The following OCLN variants were observed in gnomAD, a reference collection of about 807,000 sequenced individuals.
The protein encoded by OCLN is occludin, also known as phosphatase 1, regulatory subunit 115.
Under a neutral mutation model 47.9 loss-of-function variants are expected in OCLN, and 21 were observed. The observed-to-expected ratio is 0.44, with a 90% CI of 0.31 to 0.63. The LOEUF is 0.63. Among genes scored for constraint, OCLN ranks in the 30% least tolerant of loss-of-function variants. The pLI, the probability that OCLN is intolerant of heterozygous loss-of-function variation, is 0.08. For synonymous variants in OCLN, 117 were observed against 198.4 expected, an observed-to-expected ratio of 0.59 and a Z score of 3.45; for missense variants, 360 against 571.0, an observed-to-expected ratio of 0.63 and a Z score of 3.77.
chr5:69,495,194 C>G (rs1459579590), intron 1 of OCLN, among the ~76,000 whole-genome samples: 1 of 152,138 alleles, frequency 6.6e-6, no homozygotes, highest in African/African-American at 2.4e-5. Flanking sequence ...ATTAATGGAT[C>G]TTTTTCATCA....
intron 2 of OCLN, 47 bp downstream of exon 2, chr5:69,504,341 A>G (rs745763456): frequency 8.1e-6 from 9 of 1,106,312 alleles, no homozygotes; most frequent in Admixed American, 5.3e-5. Context: ...AGTCTATCAC[A>G]TGTAAACAAT....
intron 1 of OCLN, 105 bp from the exon 2 acceptor site, chr5:69,504,072 C>G: frequency 1.5e-6 from 1 of 650,834 alleles, no homozygotes; most frequent in Non-Finnish European, 2.8e-6. Context: ...TGCACTCCAG[C>G]CTGGGTGACA....
chr5:69,517,961 A>G (rs949131655), intron 4 of OCLN, among the ~76,000 whole-genome samples: 2 of 152,110 alleles, frequency 1.3e-5, no homozygotes, highest in Admixed American at 1.3e-4. Context: ...TGGCAGTTAG[A>G]TTTGTTTACT....
chr5:69,531,381 C>T (rs920901707), intron 4 of OCLN, among the ~76,000 whole-genome samples: 6 of 152,116 alleles, frequency 3.9e-5, no homozygotes, highest in Non-Finnish European at 8.8e-5. Flanking sequence ...GCATTTTAGC[C>T]AGTAAGAAAT....
intron 4 of OCLN, among the ~76,000 whole-genome samples, chr5:69,518,952 G>C (rs55923832): frequency 0.87 from 132,330 of 152,068 alleles, 57,777 homozygotes; most frequent in African/African-American, 0.91. Flanking sequence ...TCTGGGGCAA[G>C]AAGGCAAGAC....
intron 4 of OCLN, among the ~76,000 whole-genome samples, chr5:69,527,225 C>T (rs1053333820): frequency 1.3e-5 from 2 of 151,488 alleles, no homozygotes; most frequent in South Asian, 2.1e-4. Flanking sequence ...TGCAGTGAGC[C>T]GACACAGTGC....
intron 1 of OCLN, among the ~76,000 whole-genome samples, chr5:69,496,257 C>T (rs1453709504): frequency 6.6e-6 from 1 of 152,080 alleles, no homozygotes; most frequent in Non-Finnish European, 1.5e-5. Context: ...TGCCACCATG[C>T]CCAGCTAATT....
chr5:69,520,505 T>C (rs1301654137), intron 4 of OCLN, among the ~76,000 whole-genome samples: 2 of 151,730 alleles, frequency 1.3e-5, no homozygotes, highest in African/African-American at 4.8e-5. Flanking sequence ...TTCACCATCT[T>C]GGCCAGGCTG....
intron 1 of OCLN, among the ~76,000 whole-genome samples, chr5:69,500,919 C>T (rs1487027895): frequency 1.3e-5 from 2 of 151,838 alleles, no homozygotes; most frequent in Non-Finnish European, 2.9e-5. Flanking sequence ...TTCAGATTTT[C>T]TGTTTTACTT....
intron 4 of OCLN, among the ~76,000 whole-genome samples, chr5:69,516,707 C>G (rs1380631177): frequency 1.3e-5 from 2 of 152,082 alleles, no homozygotes; most frequent in African/African-American, 2.4e-5. Context: ...TGCTGAAAGC[C>G]TGGAAAGTTC....
At chr5:69,545,258 G>GT (rs1769698660) in intron 6 of OCLN, 139 bp downstream of exon 6, 4 of 760,872 alleles carry the variant, frequency 5.3e-6, no homozygotes, top group East Asian at 3.0e-5. Flanking sequence ...ACTGGAGACA[G>GT]TTTTTTGTGT....
chr5:69,508,061 T>G (rs1392992525), intron 2 of OCLN, among the ~76,000 whole-genome samples: 1 of 152,034 alleles, frequency 6.6e-6, no homozygotes, highest in East Asian at 1.9e-4. Flanking sequence ...TTTTTAAATT[T>G]TTTTGCCCTG....
At chr5:69,519,295 C>CT (rs746634603) in intron 4 of OCLN, among the ~76,000 whole-genome samples, 19 of 152,302 alleles carry the variant, frequency 1.2e-4, no homozygotes, top group Non-Finnish European at 1.9e-4. Context: ...TATAACACGC[C>CT]TCCTGCCCTC....
intron 1 of OCLN, among the ~76,000 whole-genome samples, chr5:69,503,648 T>C (rs892758336): frequency 2.0e-5 from 3 of 152,204 alleles, no homozygotes; most frequent in African/African-American, 7.2e-5. Context: ...TTTCAGAAAA[T>C]GACCAATTAA....
intron 3 of OCLN, among the ~76,000 whole-genome samples, chr5:69,510,491 C>T (rs1209141471): frequency 1.3e-5 from 2 of 151,988 alleles, no homozygotes; most frequent in African/African-American, 4.8e-5. Flanking sequence ...ACCATCCTCG[C>T]TAATAAGGTG....
At chr5:69,505,486 A>G (rs1216858519) in intron 2 of OCLN, among the ~76,000 whole-genome samples, 6 of 152,154 alleles carry the variant, frequency 3.9e-5, no homozygotes, top group Admixed American at 6.5e-5. Flanking sequence ...TTCTGTCTCT[A>G]TAGATTTGTC....
intron 3 of OCLN, among the ~76,000 whole-genome samples, chr5:69,512,472 A>C (rs1768815542): frequency 6.6e-6 from 1 of 152,160 alleles, no homozygotes; most frequent in South Asian, 2.1e-4. Context: ...TAAGTTTTGA[A>C]ATTGTGGAGT....
At chr5:69,518,100 T>G (rs1238993703) in intron 4 of OCLN, among the ~76,000 whole-genome samples, 2 of 152,210 alleles carry the variant, frequency 1.3e-5, no homozygotes. Flanking sequence ...CAGTTCTAGT[T>G]GCTTTTGATA....
chr5:69,523,447 A>G (rs1769195679), intron 4 of OCLN, among the ~76,000 whole-genome samples: 1 of 152,042 alleles, frequency 6.6e-6, no homozygotes, highest in South Asian at 2.1e-4. Flanking sequence ...GGGGTCACAT[A>G]TGGGTGACAA....
Sources: gnomAD v4.1 joint callset for allele counts (sites outside exome capture counted in the v4.1 genomes callset) on GRCh38, gnomAD v4.1.1 for gene constraint, MANE v1.5 for transcripts, NCBI Gene and HGNC (gene_info 2026-07-23, HGNC 2026-07-21) for gene names.